The following ABCA3 variants were observed in gnomAD, a reference collection of about 807,000 sequenced individuals.
The protein encoded by ABCA3 is phospholipid-transporting ATPase ABCA3.
Under a neutral mutation model 172.8 loss-of-function variants are expected in ABCA3, and 88 were observed. The ratio of observed to expected loss-of-function variants is 0.51; its 90% CI spans 0.43 to 0.61. ABCA3 has a LOEUF of 0.61. ABCA3 is among the 20% of genes least tolerant of loss of function. ABCA3 has a pLI of 0.00. For missense variants in ABCA3, 2,164 were observed against 2,301.0 expected (o/e 0.94, Z 1.22); for synonymous variants, 1,066 against 983.8 (o/e 1.08, Z -1.56).
chr16:2,281,646 C>G lies in ABCA3; in HGVS notation c.4036-137G>C. ...AGGCTTCTCGTCCCAATCTCAGGCC[C>G]CACAGGTGCGACTCAGACCTTTTAC... On this transcript the variant is annotated intron_variant, in intron 26 of 32. Transcript: ENST00000301732. The surrounding 1 kb of genome is among the most constrained non-coding windows in gnomAD (Gnocchi z 4.7). 1 of 1,098,908 alleles carries G rather than the reference C, an allele frequency of 9.1e-7. No individual in the cohort carries two copies. The highest frequency in any genetic ancestry group is 1.3e-5 in the South Asian group (1 of 76,352). The allele number at this position is 1,098,908 out of a possible 1,614,324, so 68.1% of individuals were successfully genotyped here. A position where few individuals can be genotyped will look rare whatever the true frequency, so the allele number is the denominator to read the frequency against.
At position 2,340,200 on chromosome 16, in the gene ABCA3, G is replaced by A. The variant is rs1203061362; in HGVS notation, c.-539+373C>T. ...GCATCCCTCGGGGCCGGGGCTGTCGGTCGCTACATATCCACCTTCTGGGCG... is the reference window on the plus strand; with the variant it reads ...GCATCCCTCGGGGCCGGGGCTGTCGATCGCTACATATCCACCTTCTGGGCG... On this transcript the variant is annotated intron_variant, in intron 1 of 32. Coordinates refer to ENST00000301732, the MANE Select transcript of ABCA3 (RefSeq NM_001089.3). Among the ~76,000 whole-genome samples, 3 of 152,190 alleles carry A rather than the reference G, an allele frequency of 2.0e-5. 1 individual carries two copies. Among genetic ancestry groups the A allele is most frequent in the Non-Finnish European group, 4.4e-5 (3 of 68,020 alleles).
Position 2,308,613 on chromosome 16 carries a change from T to G in ABCA3, c.1122A>C (p.Ala374=), listed in dbSNP as rs907704011. The change falls in exon 11 of 33, where the codon GCA becomes GCC. Residue 374 remains alanine, a synonymous_variant. Transcript: ENST00000301732. ...VSTFFSKANM[A]AAFGGFLYFF... is the part of the protein sequence containing the mutation. Reference sequence around the variant, plus strand: ...AGTAGAGGAAGCCTCCGAAGGCTGCTGCCATGTTGGCTGCAGGTGTTGGAA... The same window carrying G: ...AGTAGAGGAAGCCTCCGAAGGCTGCGGCCATGTTGGCTGCAGGTGTTGGAA... 2 of 1,614,034 alleles carry G rather than the reference T, an allele frequency of 1.2e-6. No homozygotes were observed. Among genetic ancestry groups the G allele is most frequent in the African/African-American group, 1.3e-5 (1 of 75,046 alleles).
At chr16:2,290,002 C>CACACACACACACACACA (rs10675689) in intron 19 of ABCA3, among the ~76,000 whole-genome samples, 1 of 147,174 alleles carries the variant, frequency 6.8e-6, no homozygotes. Context: ...CACACACACA[C>CACACACACACACACACA]CCCTTCCTAG....
In ABCA3 at chr16:2,297,075, T is replaced by C. The variant is rs2093680960; in HGVS notation, c.2263+254A>G. 6.6e-6 allele frequency among the ~76,000 whole-genome samples: 1 copy of C among 152,218 alleles called. No individual in the cohort carries two copies. Among genetic ancestry groups the C allele is most frequent in the Non-Finnish European group, 1.5e-5 (1 of 68,038 alleles). ...AGGGCAGTGCTGCTCCTAGTGGCACTAGGCTTGGCCTCTGTTCTTCTGGTC... is the reference window on the plus strand; with the variant it reads ...AGGGCAGTGCTGCTCCTAGTGGCACCAGGCTTGGCCTCTGTTCTTCTGGTC... On this transcript the variant is annotated intron_variant, in intron 17 of 32. Transcript: ENST00000301732. The surrounding 1 kb of genome is among the most constrained non-coding windows in gnomAD (Gnocchi z 5.6).
intron 18 of ABCA3, among the ~76,000 whole-genome samples, chr16:2,293,287 G>C (rs1156812811): frequency 1.3e-5 from 2 of 151,068 alleles, no homozygotes; most frequent in Non-Finnish European, 2.9e-5. Context: ...TCCTGACCCT[G>C]TGATCCACCT....
chr16:2,283,388 A>C lies in ABCA3; in HGVS notation c.3863-30T>G. 6.2e-7 allele frequency: 1 copy of C among 1,606,748 alleles called. No individual in the cohort carries two copies. The highest frequency in any genetic ancestry group is 1.7e-5 in the Admixed American group (1 of 59,840). ...GGGGCGAGGGAGTCACTGTGCCCCG[A>C]GGCCTGGGGCACCCTCCTCCCCTTC... is the stretch of plus-strand genomic sequence containing the variant. On this transcript the variant is annotated intron_variant, in intron 25 of 32. Coordinates refer to ENST00000301732, the MANE Select transcript of ABCA3 (RefSeq NM_001089.3). The surrounding 1 kb of genome is among the most constrained non-coding windows in gnomAD (Gnocchi z 5.4).
chr16:2,320,008 G>A (rs763955749), intron 7 of ABCA3, among the ~76,000 whole-genome samples, 168 bp from the exon 8 acceptor site: 5 of 152,024 alleles, frequency 3.3e-5, no homozygotes, highest in Admixed American at 6.6e-5. Context: ...GGAAGGAAAC[G>A]CACCACACAC....
chr16:2,334,735 C>A (rs1486778667), intron 1 of ABCA3, among the ~76,000 whole-genome samples: 1 of 151,564 alleles, frequency 6.6e-6, no homozygotes, highest in African/African-American at 2.4e-5. Flanking sequence ...CCAGGCTGGT[C>A]TTGAACTCCT....
chr16:2,310,423 C>CA, intron 10 of ABCA3, among the ~76,000 whole-genome samples: 1 of 145,040 alleles, frequency 6.9e-6, no homozygotes, highest in South Asian at 2.1e-4. Flanking sequence ...AACAAACAAA[C>CA]AAAAAAACAA....
In ABCA3 at chr16:2,314,454, G is replaced by C. The variant is rs570255591; in HGVS notation, c.1111+2829C>G. On this transcript the variant is annotated intron_variant, in intron 10 of 32. Coordinates refer to ENST00000301732, the MANE Select transcript of ABCA3 (RefSeq NM_001089.3). ...AGGAAGTAGGGTGCTGGTTTCCAGG[G>C]AAGGGGGGTGGGGGAGTCAGTGTTT... 1.9e-4 allele frequency among the ~76,000 whole-genome samples: 29 copies of C among 151,538 alleles called. No individual in the cohort carries two copies. In the South Asian group the frequency reaches 5.2e-3, roughly 27 times the overall value.
intron 1 of ABCA3, among the ~76,000 whole-genome samples, chr16:2,334,827 G>C (rs1321592569): frequency 2.0e-5 from 3 of 147,166 alleles, no homozygotes; most frequent in African/African-American, 7.5e-5. Flanking sequence ...TTAAATATTA[G>C]TTCTTTTTTT....
intron 8 of ABCA3, among the ~76,000 whole-genome samples, chr16:2,319,378 G>A (rs567739572): frequency 7.1e-4 from 108 of 152,006 alleles, no homozygotes; most frequent in African/African-American, 2.4e-3. Flanking sequence ...CCAACTACTC[G>A]GGAGGCTGAG....
At chr16:2,301,025 T>C (rs540027318) in intron 12 of ABCA3, among the ~76,000 whole-genome samples, 2 of 149,660 alleles carry the variant, frequency 1.3e-5, no homozygotes, top group East Asian at 2.0e-4. Context: ...GGTCAGGAGA[T>C]CGAGACCATC....
chr16:2,288,852 C>CT, intron 20 of ABCA3, among the ~76,000 whole-genome samples: 1 of 152,176 alleles, frequency 6.6e-6, no homozygotes. Flanking sequence ...GGCCCAGACA[C>CT]TGTTTCATTG....
chr16:2,294,872 A>G (rs1399329484), intron 18 of ABCA3, among the ~76,000 whole-genome samples: 3 of 151,960 alleles, frequency 2.0e-5, no homozygotes, highest in Non-Finnish European at 4.4e-5. Context: ...AATCCCAGCT[A>G]CTTGGGAGGC....
Position 2,320,239 on chromosome 16 carries a change from C to T in ABCA3, c.614-399G>A, listed in dbSNP as rs577603955. Among the ~76,000 whole-genome samples, 36 of 151,742 alleles carry T rather than the reference C, an allele frequency of 2.4e-4. 1 individual carries two copies. The East Asian group carries it at 7.0e-3, about 29-fold the overall frequency. The stretch of plus-strand genomic sequence containing the variant: ...TCAGCCTCCCGAGTAGCTGGGACTA[C>T]AGGTGCACACCACCATGCCCAGCTA... On this transcript the variant is annotated intron_variant, in intron 7 of 32. Transcript: ENST00000301732.
chr16:2,325,844 G>A (rs1278747881), intron 5 of ABCA3, among the ~76,000 whole-genome samples, 166 bp downstream of exon 5: 2 of 152,222 alleles, frequency 1.3e-5, no homozygotes, highest in Non-Finnish European at 2.9e-5. Flanking sequence ...AGGAACAGCA[G>A]TGCCTTTTAC....
rs537382672 is a variant in ABCA3 at position 2,293,013 on chromosome 16, G to C, written c.2415-775C>G. On this transcript the variant is annotated intron_variant, in intron 18 of 32. Transcript: ENST00000301732. The stretch of plus-strand genomic sequence containing the variant: ...ACCCCCCTAATCCCCCTATAGAATG[G>C]GGCAGGGGCCACAGGAGGTTAATTC... 5.3e-5 allele frequency among the ~76,000 whole-genome samples: 8 copies of C among 152,236 alleles called. No homozygotes were observed. The East Asian group carries it at 1.3e-3, about 26-fold the overall frequency.
Position 2,276,267 on chromosome 16 carries a change from C to T in ABCA3, c.*407G>A, listed in dbSNP as rs181270047. 77 of 457,872 alleles carry T rather than the reference C, an allele frequency of 1.7e-4. No individual in the cohort carries two copies. The highest frequency in any genetic ancestry group is 7.1e-4 in the Admixed American group (30 of 42,526). The allele number at this position is 457,872 out of a possible 1,614,324, so 28.4% of individuals were successfully genotyped here. On this transcript the variant is annotated 3_prime_UTR_variant, in exon 33 of 33. Coordinates refer to ENST00000301732, the MANE Select transcript of ABCA3 (RefSeq NM_001089.3). ...CTACAGTTCAACCTGGCTGGCTTCC[C>T]GCTTCCTCCCCAGGGGAGATTAGTG... is the stretch of plus-strand genomic sequence containing the variant.
Sources: gnomAD v4.1 joint callset for allele counts (sites outside exome capture counted in the v4.1 genomes callset) on GRCh38, gnomAD v4.1.1 for gene constraint, Gnocchi (gnomAD v3.1) non-coding constraint, MANE v1.5 for transcripts, NCBI Gene and HGNC (gene_info 2026-07-23, HGNC 2026-07-21) for gene names.